The following CHN1 variants were observed in gnomAD, a reference collection of about 807,000 sequenced individuals.
CHN1 encodes N-chimaerin.
A neutral mutation model predicts 59.5 loss-of-function variants in CHN1; 37 were observed. The observed-to-expected ratio is 0.62, with a 90% CI of 0.48 to 0.82. CHN1 has a LOEUF of 0.82. Ranked by LOEUF, CHN1 falls within the 40% of genes least tolerant of loss-of-function variation. CHN1 has a pLI of 0.00. For missense variants in CHN1, 469 were observed against 571.0 expected (o/e 0.82, Z 1.82); for synonymous variants, 206 against 200.4 (o/e 1.03, Z -0.24).
chr2:174,988,107 C>G (rs541696793), intron 1 of CHN1, among the ~76,000 whole-genome samples: 151 of 152,166 alleles, frequency 9.9e-4, no homozygotes, highest in Non-Finnish European at 1.3e-3. Context: ...CGCCTGTAAT[C>G]CCAGCACTTT....
At chr2:174,883,639 A>C (rs1053294170) in intron 5 of CHN1, among the ~76,000 whole-genome samples, 40 of 152,308 alleles carry the variant, frequency 2.6e-4, no homozygotes, top group African/African-American at 9.4e-4. Flanking sequence ...AACTCCCCTC[A>C]TGAAAGACAA....
chr2:174,854,718 T>C (rs1450297329), intron 6 of CHN1, among the ~76,000 whole-genome samples: 2 of 152,204 alleles, frequency 1.3e-5, no homozygotes, highest in African/African-American at 4.8e-5. Flanking sequence ...GGAAGCATTT[T>C]TGCATTACTT....
intron 8 of CHN1, among the ~76,000 whole-genome samples, chr2:174,813,799 T>C (rs1390286975): frequency 1.3e-5 from 2 of 152,220 alleles, no homozygotes; most frequent in African/African-American, 4.8e-5. Flanking sequence ...TTGAAAATCA[T>C]ACAACGCCAT....
chr2:174,994,654 T>TAGAAGAGACGATTATTCA (rs1170153438), intron 1 of CHN1, among the ~76,000 whole-genome samples: 4 of 152,260 alleles, frequency 2.6e-5, no homozygotes, highest in Admixed American at 2.0e-4. Context: ...GAAGGCCAGG[T>TAGAAGAGACGATTATTCA]AGAAGAGACG....
At chr2:174,966,213 T>C (rs1690585353) in intron 1 of CHN1, among the ~76,000 whole-genome samples, 1 of 152,174 alleles carries the variant, frequency 6.6e-6, no homozygotes, top group African/African-American at 2.4e-5. Context: ...TTTAAAATTG[T>C]TCCAAGTTGA....
chr2:174,906,859 G>C (rs183329648), intron 5 of CHN1, among the ~76,000 whole-genome samples: 1 of 152,236 alleles, frequency 6.6e-6, no homozygotes, highest in East Asian at 1.9e-4. Context: ...TTAGCAAGCA[G>C]TCATTTTAGG....
intron 1 of CHN1, among the ~76,000 whole-genome samples, chr2:174,986,080 T>C (rs1691329990): frequency 6.6e-6 from 1 of 152,198 alleles, no homozygotes; most frequent in Non-Finnish European, 1.5e-5. Context: ...ATTAGATTAT[T>C]CTAAATCATG....
At chr2:174,856,362 C>A (rs1686900007) in intron 6 of CHN1, among the ~76,000 whole-genome samples, 1 of 152,110 alleles carries the variant, frequency 6.6e-6, no homozygotes, top group East Asian at 1.9e-4. Flanking sequence ...AACAATAAGG[C>A]ACATCAGTGC....
At chr2:174,984,463 G>A (rs750699422) in intron 1 of CHN1, among the ~76,000 whole-genome samples, 13 of 149,248 alleles carry the variant, frequency 8.7e-5, no homozygotes, top group African/African-American at 1.2e-4. Context: ...CTGCCTCTCC[G>A]GTTGAAGCGA....
At chr2:174,930,115 C>CT (rs962414384) in intron 3 of CHN1, among the ~76,000 whole-genome samples, 3 of 152,188 alleles carry the variant, frequency 2.0e-5, no homozygotes, top group Non-Finnish European at 1.5e-5. Flanking sequence ...TCACAGGAAA[C>CT]TTTTTTATAC....
intron 6 of CHN1, among the ~76,000 whole-genome samples, chr2:174,856,159 G>C (rs1223819312): frequency 6.6e-6 from 1 of 152,032 alleles, no homozygotes; most frequent in Non-Finnish European, 1.5e-5. Flanking sequence ...TCTAACATTA[G>C]AGACTTCTGT....
intron 3 of CHN1, among the ~76,000 whole-genome samples, chr2:174,932,202 A>G (rs1007575590): frequency 1.3e-5 from 2 of 152,220 alleles, no homozygotes; most frequent in Admixed American, 1.3e-4. Flanking sequence ...CTTAATATAT[A>G]ATAACTAGAC....
intron 3 of CHN1, among the ~76,000 whole-genome samples, chr2:174,934,906 C>A (rs1689452453): frequency 6.6e-6 from 1 of 152,152 alleles, no homozygotes; most frequent in Non-Finnish European, 1.5e-5. Flanking sequence ...CTTGTAGGTT[C>A]TTTTCACTTA....
At position 174,876,544 on chromosome 2, in the gene CHN1, T is replaced by C. The variant is rs538793163; in HGVS notation, c.549+1296A>G. The stretch of plus-strand genomic sequence containing the variant: ...AGTTCTGGCTACTTCCAAACAAGAT[T>C]TGTGGTTCCTAACAATATGAATATA... On this transcript the variant is annotated intron_variant, in intron 6 of 12. Transcript: ENST00000409900. Among the ~76,000 whole-genome samples, 8 of 152,174 alleles carry C rather than the reference T, an allele frequency of 5.3e-5. No homozygotes were observed. The South Asian group carries it at 1.2e-3, about 24-fold the overall frequency.
chr2:174,979,204 C>A (rs927388269), intron 1 of CHN1, among the ~76,000 whole-genome samples: 3 of 151,932 alleles, frequency 2.0e-5, no homozygotes, highest in Non-Finnish European at 4.4e-5. Context: ...AGTGGAATTA[C>A]AATGAAAGAA....
At chr2:174,926,109 C>T (rs572649898) in intron 3 of CHN1, among the ~76,000 whole-genome samples, 3 of 151,986 alleles carry the variant, frequency 2.0e-5, no homozygotes, top group Non-Finnish European at 4.4e-5. Flanking sequence ...AATAACTGAA[C>T]AGCAGATCAA....
At chr2:174,926,980 G>C (rs941066041) in intron 3 of CHN1, among the ~76,000 whole-genome samples, 1 of 152,020 alleles carries the variant, frequency 6.6e-6, no homozygotes, top group East Asian at 1.9e-4. Flanking sequence ...GGATAGTCTC[G>C]ATCTCCTGAC....
At chr2:174,868,127 C>A (rs1427182106) in intron 6 of CHN1, among the ~76,000 whole-genome samples, 4 of 151,920 alleles carry the variant, frequency 2.6e-5, no homozygotes, top group Non-Finnish European at 4.4e-5. Flanking sequence ...GCTTGTATTT[C>A]TTTAATACTT....
intron 1 of CHN1, among the ~76,000 whole-genome samples, chr2:174,973,778 C>G (rs1247516894): frequency 6.6e-6 from 1 of 152,152 alleles, no homozygotes; most frequent in Non-Finnish European, 1.5e-5. Context: ...GAGTCTGACC[C>G]AGGGCACGTC....
Sources: allele counts gnomAD v4.1 joint callset (sites outside exome capture counted in the v4.1 genomes callset), GRCh38; gene constraint gnomAD v4.1.1; transcripts MANE v1.5; gene names NCBI Gene and HGNC (gene_info 2026-07-23, HGNC 2026-07-21).